The following NPHP1 variants were observed in gnomAD, a reference collection of about 807,000 sequenced individuals.
NPHP1 encodes nephrocystin 1, also known as nephrocystin-1.
A neutral mutation model predicts 90.4 loss-of-function variants in NPHP1; 70 were observed. That is an observed-to-expected ratio of 0.77 (90% CI 0.64 to 0.95). The LOEUF is 0.95. NPHP1 is among the 40% of genes least tolerant of loss of function. NPHP1 has a pLI of 0.00. For synonymous variants in NPHP1, 256 were observed against 271.7 expected (o/e 0.94, Z 0.57); for missense variants, 764 against 795.9 (o/e 0.96, Z 0.48).
chr2:110,183,971 T>A (rs1308099680), intron 2 of NPHP1: 5 of 342,318 alleles, frequency 1.5e-5, no homozygotes, highest in African/African-American at 8.5e-5. Context: ...TGCAATCAAA[T>A]TAGAACTCAA....
chr2:110,200,650 T>C (rs1029750436), intron 2 of NPHP1, among the ~76,000 whole-genome samples: 13 of 152,220 alleles, frequency 8.5e-5, no homozygotes, highest in Admixed American at 2.0e-4. Flanking sequence ...AAATTCAGTC[T>C]ATAAATCTTA....
At chr2:110,196,291 C>A (rs1574204485) in intron 2 of NPHP1, among the ~76,000 whole-genome samples, 1 of 151,554 alleles carries the variant, frequency 6.6e-6, no homozygotes, top group South Asian at 2.1e-4. Context: ...CTACAATGAA[C>A]TCAAACAAAT....
chr2:110,168,535 C>T lies in NPHP1; in HGVS notation c.541G>A (p.Val181Ile). 1 of 1,610,256 alleles carries T rather than the reference C, an allele frequency of 6.2e-7. No individual in the cohort carries two copies. Among genetic ancestry groups the T allele is most frequent in the Non-Finnish European group, 8.5e-7 (1 of 1,176,934 alleles). Residue 181 changes from valine to isoleucine, a missense_variant, in exon 6 of 20, where the codon GTA (valine) becomes ATA (isoleucine). Transcript: ENST00000445609. ...LTFKKGEILLVIEKKPDGWWI... is the reference protein window; with the variant it reads ...LTFKKGEILLIIEKKPDGWWI... ...CAACCATCAGGTTTTTTTTCAATTA[C>T]AAGGAGAATTTCCCCTTTCTTAAAG...
Position 110,129,637 on chromosome 2 carries a change from T to TAG in NPHP1, c.1643-380_1643-379dup, listed in dbSNP as rs1679638935. ...TGCTCTTGGGAGACTGAGCAGAAAC[T>TAG]AGGAAGCATTGGGGGGAAAGGAGAC... On this transcript the variant is annotated intron_variant, in intron 17 of 19. Coordinates refer to ENST00000445609, the MANE Select transcript of NPHP1 (RefSeq NM_001128178.3). 2.0e-5 allele frequency among the ~76,000 whole-genome samples: 3 copies of TAG among 152,110 alleles called. No individual in the cohort carries two copies. The South Asian group carries it at 6.2e-4, about 32-fold the overall frequency.
intron 16 of NPHP1, among the ~76,000 whole-genome samples, chr2:110,134,530 G>GAAAA (rs554024174): frequency 2.0e-5 from 2 of 101,420 alleles, no homozygotes; most frequent in Non-Finnish European, 4.3e-5. Context: ...AATACTACAA[G>GAAAA]AAAAAAAAAA....
rs772657933 is a variant in NPHP1 at position 110,125,678 on chromosome 2, A to G, written c.1720T>C (p.Ser574Pro). 1 of 1,613,136 alleles carries G rather than the reference A, an allele frequency of 6.2e-7. No individual in the cohort carries two copies. The highest frequency in any genetic ancestry group is 8.5e-7 in the Non-Finnish European group (1 of 1,179,362). The change falls in exon 19 of 20, where the codon TCG becomes CCG. Residue 574 changes from serine (S) to proline (P), a missense_variant. Physicochemically the swap from Ser to Pro is moderately conservative, Grantham distance 74 (BLOSUM62 -1). Coordinates refer to ENST00000445609, the MANE Select transcript of NPHP1 (RefSeq NM_001128178.3). ...AATGTGCTTTCTTTTCCAGCCCACG[A>G]ACTCTAAAGAGCAAACAGAAATATT... Reference protein sequence around the residue: ...QPDVMDALRSSWAGKESTLKR... With the variant: ...QPDVMDALRSPWAGKESTLKR...
intron 13 of NPHP1, among the ~76,000 whole-genome samples, chr2:110,147,302 C>T (rs560442934): frequency 6.6e-6 from 1 of 152,080 alleles, no homozygotes; most frequent in East Asian, 1.9e-4. Flanking sequence ...CCCAGTCCTA[C>T]CCCCTCCACA....
intron 19 of NPHP1, chr2:110,125,243 G>A (rs1477515943): frequency 1.0e-5 from 16 of 1,535,926 alleles, no homozygotes; most frequent in Non-Finnish European, 1.2e-5. Context: ...AAGGTAAGCA[G>A]GAGCAATGCA....
At chr2:110,163,246 G>T (rs1682477842) in intron 8 of NPHP1, 111 bp from the exon 9 acceptor site, 1 of 773,684 alleles carries the variant, frequency 1.3e-6, no homozygotes, top group Non-Finnish European at 2.2e-6. Context: ...TAAACATACA[G>T]ACTTTAGTGG....
At chr2:110,141,414 T>C (rs1680617694) in intron 16 of NPHP1, among the ~76,000 whole-genome samples, 1 of 152,102 alleles carries the variant, frequency 6.6e-6, no homozygotes, top group African/African-American at 2.4e-5. Context: ...ATTTTAAAGA[T>C]GTAGACATTA....
At position 110,160,207 on chromosome 2, in the gene NPHP1, A is replaced by T. The variant is rs112297047; in HGVS notation, c.1003T>A (p.Cys335Ser). 1 of 1,611,848 alleles carries T rather than the reference A, an allele frequency of 6.2e-7. No individual in the cohort carries two copies. Among genetic ancestry groups the T allele is most frequent in the Non-Finnish European group, 8.5e-7 (1 of 1,178,112 alleles). Residue 335 changes from cysteine to serine, a missense_variant, in exon 11 of 20, where the codon TGT becomes AGT. Physicochemically the swap from Cys to Ser is moderately radical, Grantham distance 112. Transcript: ENST00000445609. ...ATTCCTGGAAGAGGAATCATTTTAC[A>T]GCTCCATAATGTCAGAATCAATGAA... ...RISLILTLWS[C>S]KMIPLPGMSI...
At chr2:110,200,254 C>A (rs1685483183) in intron 2 of NPHP1, among the ~76,000 whole-genome samples, 1 of 145,672 alleles carries the variant, frequency 6.9e-6, no homozygotes, top group South Asian at 2.2e-4. Context: ...GACTCTATCT[C>A]AAAAAAAATA....
rs764769662 is a variant in NPHP1, at chr2:110,123,928, T to C, written c.1897A>G (p.Thr633Ala). 4.3e-6 allele frequency: 7 copies of C among 1,614,026 alleles called. No homozygotes were observed. Among genetic ancestry groups the C allele is most frequent in the African/African-American group, 2.7e-5 (2 of 74,922 alleles). The change falls in exon 20 of 20, where the codon ACT becomes GCT. Residue 633 changes from threonine (T) to alanine (A), a missense_variant. Coordinates refer to ENST00000445609, the MANE Select transcript of NPHP1 (RefSeq NM_001128178.3). ...TCTTGGTTTTGCTTAAGGAAGTCAG[T>C]GATAACTTTCCACCGTGCAGTCTCA... ...ETETARWKVI[T>A]DFLKQNQENQ...
intron 8 of NPHP1, chr2:110,164,461 A>AC: frequency 1.2e-6 from 1 of 832,806 alleles, no homozygotes; most frequent in Non-Finnish European, 2.1e-6. Context: ...CTCAAGTGAC[A>AC]CCATGAATTA....
At chr2:110,187,198 C>T (rs1420958765) in intron 2 of NPHP1, among the ~76,000 whole-genome samples, 1 of 151,832 alleles carries the variant, frequency 6.6e-6, no homozygotes, top group Non-Finnish European at 1.5e-5. Context: ...GAGATAGAGA[C>T]ATGAAAAACC....
chr2:110,167,177 T>C (rs1383981336), intron 6 of NPHP1, among the ~76,000 whole-genome samples: 1 of 152,138 alleles, frequency 6.6e-6, no homozygotes, highest in East Asian at 1.9e-4. Context: ...CTGAAACCCT[T>C]GGAATTTCCT....
At chr2:110,149,679 TA>T (rs1211571120) in intron 12 of NPHP1, among the ~76,000 whole-genome samples, 1 of 152,156 alleles carries the variant, frequency 6.6e-6, no homozygotes, top group Non-Finnish European at 1.5e-5. Flanking sequence ...TAGACGAAAG[TA>T]ATGTAAAATA....
At chr2:110,128,313 C>T (rs1277196327) in intron 18 of NPHP1, 1 of 152,258 alleles carries the variant, frequency 6.6e-6, no homozygotes, top group East Asian at 1.9e-4. Context: ...AAAGAAGAAA[C>T]CTTCCTGGGT....
chr2:110,193,747 A>T (rs1304662760), intron 2 of NPHP1, among the ~76,000 whole-genome samples: 1 of 152,124 alleles, frequency 6.6e-6, no homozygotes, highest in Non-Finnish European at 1.5e-5. Flanking sequence ...AATTGACCAC[A>T]TAGTTGGAAG....
Sources: allele counts gnomAD v4.1 joint callset (sites outside exome capture counted in the v4.1 genomes callset), GRCh38; gene constraint gnomAD v4.1.1; transcripts MANE v1.5; gene names NCBI Gene and HGNC (gene_info 2026-07-23, HGNC 2026-07-21).